Variants in NID2 observed in about 807,000 individuals in gnomAD.
NID2 encodes nidogen-2.
Under a neutral mutation model 145.4 loss-of-function variants are expected in NID2, and 83 were observed. The observed-to-expected ratio is 0.57, with a 90% confidence interval of 0.48 to 0.69. The LOEUF (loss-of-function observed/expected upper bound fraction) is 0.69, where lower values mean the gene tolerates loss of function less well. NID2 is among the 30% of genes least tolerant of loss of function. The probability of loss-of-function intolerance (pLI) is 0.00; values close to 1 mark genes in which losing one functional copy is unlikely to be tolerated. For missense variants in NID2, 1,807 were observed against 1,765.7 expected (o/e 1.02, Z -0.42); for synonymous variants, 739 against 701.3 (o/e 1.05, Z -0.85).
rs574162672 is a variant in NID2 at position 52,033,960 on chromosome 14, C to T, written c.2258-4270G>A. 3.1e-4 allele frequency among the ~76,000 whole-genome samples: 47 copies of T among 152,254 alleles called. 1 individual carries two copies. The highest frequency in any genetic ancestry group is 1.0e-3 in the African/African-American group (43 of 41,542). ...TCACTTACTATGACCAGGCAAATTA[C>T]TTCATTTCTATACCTCAGTCTCATC... On this transcript the variant is annotated intron_variant, in intron 9 of 21. Transcript: ENST00000216286.
chr14:52,006,925 A>G, intron 19 of NID2: 1 of 258,988 alleles, frequency 3.9e-6, no homozygotes, highest in Non-Finnish European at 7.5e-6. Context: ...ATTAAACATA[A>G]TTATTTTTAT....
chr14:52,033,504 G>A (rs1891947585), intron 9 of NID2, among the ~76,000 whole-genome samples: 2 of 152,212 alleles, frequency 1.3e-5, no homozygotes, highest in Admixed American at 6.5e-5. Flanking sequence ...GAGGGACAGA[G>A]GCTCCAATTA....
intron 5 of NID2, among the ~76,000 whole-genome samples, chr14:52,047,696 T>C (rs1892551926): frequency 6.6e-6 from 1 of 152,028 alleles, no homozygotes; most frequent in Non-Finnish European, 1.5e-5. Context: ...TCAGTCCTGA[T>C]GTGGGAAACC....
chr14:52,047,545 C>G (rs891504305), intron 5 of NID2, among the ~76,000 whole-genome samples: 2 of 152,108 alleles, frequency 1.3e-5, no homozygotes, highest in Non-Finnish European at 2.9e-5. Flanking sequence ...GAGTAACATG[C>G]TCCGACTACA....
intron 20 of NID2, 133 bp downstream of exon 20, chr14:52,006,404 A>G (rs940223264): frequency 3.3e-5 from 30 of 900,304 alleles, no homozygotes; most frequent in Non-Finnish European, 4.8e-5. Flanking sequence ...TTATCTGCCA[A>G]TGAGGAGGTG....
chr14:52,005,846 A>G lies in NID2; in HGVS notation c.4008T>C (p.Asp1336=), dbSNP rs1486117665. The change falls in exon 21 of 22, where the codon GAT becomes GAC. Residue 1336 remains aspartate (D), a synonymous_variant. Transcript: ENST00000216286. ...TATGTTTATTTACTGATACAACACCATCCCTGGTAACAGAAAGGAAGAGTG... is the reference window on the plus strand; with the variant it reads ...TATGTTTATTTACTGATACAACACCGTCCCTGGTAACAGAAAGGAAGAGTG... ...DHFYHTDWRR[D]GVVSVNKHSG... is the part of the protein sequence containing the mutation. 1 of 1,601,770 alleles carries G rather than the reference A, an allele frequency of 6.2e-7. No individual in the cohort carries two copies. The highest frequency in any genetic ancestry group is 8.6e-7 in the Non-Finnish European group (1 of 1,168,706).
chr14:52,005,453 GTAAACTCCAAGTCTTCC>G lies in NID2; in HGVS notation c.*16_*32del. The stretch of plus-strand genomic sequence containing the variant: ...GTTCTTTAGGGTCCAGGTTCTGATT[GTAAACTCCAAGTCTTCC>G]TTTACATTACTGTACTTACTTTCTT... On this transcript the variant is annotated 3_prime_UTR_variant, in exon 22 of 22. Coordinates refer to ENST00000216286, the MANE Select transcript of NID2 (RefSeq NM_007361.4). 1 of 1,566,538 alleles carries G rather than the reference GTAAACTCCAAGTCTTCC, an allele frequency of 6.4e-7. No homozygotes were observed. Among genetic ancestry groups the G allele is most frequent in the African/African-American group, 1.4e-5 (1 of 73,072 alleles).
intron 16 of NID2, among the ~76,000 whole-genome samples, chr14:52,013,885 A>AG (rs1298013371): frequency 1.3e-5 from 2 of 152,220 alleles, no homozygotes; most frequent in African/African-American, 4.8e-5. Context: ...CAAACCGCAG[A>AG]GATCACACCT....
At position 52,054,335 on chromosome 14, in the gene NID2, A is replaced by C; in HGVS notation, c.768-14T>G. ...AGGTTGCTTAGTCTAAATAAAAAGG[A>C]AACAGTCATTGTAACAAATGTAACA... On this transcript the variant is annotated splice_polypyrimidine_tract_variant and intron_variant, in intron 3 of 21. Transcript: ENST00000216286. 1 of 1,600,478 alleles carries C rather than the reference A, an allele frequency of 6.2e-7. No homozygotes were observed. Among genetic ancestry groups the C allele is most frequent in the Non-Finnish European group, 8.5e-7 (1 of 1,171,706 alleles).
chr14:52,068,998 C>T lies in NID2; in HGVS notation c.-4G>A, dbSNP rs748155150. ...CGGCCACCCGGTCCCCCTCCATGCT[C>T]GCTCGGCCGTGCGCTTACCCGCTGC... On this transcript the variant is annotated 5_prime_UTR_variant, in exon 1 of 22. Coordinates refer to ENST00000216286, the MANE Select transcript of NID2 (RefSeq NM_007361.4). 2.4e-5 allele frequency: 39 copies of T among 1,605,380 alleles called. No homozygotes were observed. Among genetic ancestry groups the T allele is most frequent in the Admixed American group, 5.0e-5 (3 of 59,808 alleles).
At chr14:52,006,148 T>G (rs1036546548) in intron 20 of NID2, 1 of 421,134 alleles carries the variant, frequency 2.4e-6, no homozygotes, top group Non-Finnish European at 4.4e-6. Flanking sequence ...AATAGTATTT[T>G]TCGGTCCCTC....
At chr14:52,018,311 A>C (rs1260488963) in intron 14 of NID2, among the ~76,000 whole-genome samples, 1 of 152,244 alleles carries the variant, frequency 6.6e-6, no homozygotes, top group Non-Finnish European at 1.5e-5. Flanking sequence ...TCATTAAATA[A>C]AGTTCTTCTG....
chr14:52,052,269 T>C (rs1212919170), intron 5 of NID2, among the ~76,000 whole-genome samples: 1 of 152,252 alleles, frequency 6.6e-6, no homozygotes, highest in Admixed American at 6.5e-5. Flanking sequence ...CACAAATTAA[T>C]GTGAAACTCT....
At chr14:52,039,213 G>A (rs536343437) in intron 8 of NID2, among the ~76,000 whole-genome samples, 1 of 152,304 alleles carries the variant, frequency 6.6e-6, no homozygotes, top group South Asian at 2.1e-4. Flanking sequence ...CAAAGAATAA[G>A]TGTTACTAAG....
At chr14:52,055,065 C>T (rs980266276) in intron 3 of NID2, among the ~76,000 whole-genome samples, 1 of 152,222 alleles carries the variant, frequency 6.6e-6, no homozygotes, top group African/African-American at 2.4e-5. Context: ...GACATACTTT[C>T]ATGAATTGGT....
intron 3 of NID2, among the ~76,000 whole-genome samples, chr14:52,054,709 A>G (rs377512470): frequency 1.1e-3 from 164 of 152,294 alleles, no homozygotes; most frequent in African/African-American, 3.5e-3. Context: ...ACCCTGTCTC[A>G]AAAAAACAAA....
In NID2 at chr14:52,039,108, G is replaced by GA. The variant is rs1211805297; in HGVS notation, c.2027-132dup. On this transcript the variant is annotated intron_variant, in intron 8 of 21. Transcript: ENST00000216286. Reference sequence around the variant, plus strand: ...CCTTGGGAACCTCCTGAGTTTATATGAAAAAATGTGTAAGGAAATCCCAAA... The same window carrying GA: ...CCTTGGGAACCTCCTGAGTTTATATGAAAAAAATGTGTAAGGAAATCCCAAA... The GA allele has an allele frequency of 9.9e-5, 67 of 676,382 alleles. No individual in the cohort carries two copies. In the African/African-American group the frequency reaches 1.2e-3, roughly 12 times the overall value. The allele number at this position is 676,382 out of a possible 1,614,324, so 41.9% of individuals were successfully genotyped here. A position where few individuals can be genotyped will look rare whatever the true frequency, so the allele number is the denominator to read the frequency against.
intron 11 of NID2, 32 bp from the exon 12 acceptor site, chr14:52,027,376 G>A (rs1555363329): frequency 6.7e-6 from 10 of 1,483,086 alleles, no homozygotes; most frequent in Non-Finnish European, 9.0e-6. Flanking sequence ...GGCATCCAGA[G>A]TTTAGGCCTG....
rs1892982690 is a variant in NID2, at chr14:52,060,301, A to G, written c.590T>C (p.Phe197Ser). 6.2e-7 allele frequency: 1 copy of G among 1,612,912 alleles called. No homozygotes were observed. Among genetic ancestry groups the G allele is most frequent in the Non-Finnish European group, 8.5e-7 (1 of 1,179,482 alleles). The change falls in exon 3 of 22, where the codon TTT becomes TCT. Residue 197 changes from phenylalanine (F) to serine (S), a missense_variant. Phe to Ser is a radical substitution (Grantham distance 155, BLOSUM62 -2). Transcript: ENST00000216286. ...CTGCAGGCCGTTGGCAGGATAAAGA[A>G]AGAGGGCGTAGCTATCAGACCCATC... ...ASDGSDSYAL[F>S]LYPANGLQFL...
Sources: allele counts gnomAD v4.1 joint callset (sites outside exome capture counted in the v4.1 genomes callset), GRCh38; gene constraint gnomAD v4.1.1; transcripts MANE v1.5; gene names NCBI Gene and HGNC (gene_info 2026-07-23, HGNC 2026-07-21).